Variants in CTNNA2 observed in about 807,000 individuals in gnomAD.
CTNNA2 encodes catenin alpha-2.
A neutral mutation model predicts 101.0 loss-of-function variants in CTNNA2; 42 were observed. That is an observed-to-expected ratio of 0.42 (90% CI 0.32 to 0.54). The LOEUF is 0.54. Ranked by LOEUF, CTNNA2 falls within the 20% of genes least tolerant of loss-of-function variation. The probability of loss-of-function intolerance (pLI) is 0.14; values close to 1 mark genes in which losing one functional copy is unlikely to be tolerated. For missense variants in CTNNA2, 871 were observed against 1,223.1 expected (o/e 0.71, Z 4.29); for synonymous variants, 450 against 456.4 (o/e 0.99, Z 0.18).
At chr2:80,594,337 G>A (rs1696763642) in intron 15 of CTNNA2, among the ~76,000 whole-genome samples, 1 of 151,854 alleles carries the variant, frequency 6.6e-6, no homozygotes, top group African/African-American at 2.4e-5. Flanking sequence ...TAGTTGGGTT[G>A]TTTGTTTGCT....
intron 1 of CTNNA2, among the ~76,000 whole-genome samples, chr2:79,589,244 T>C (rs1676690364): frequency 6.6e-6 from 1 of 152,158 alleles, no homozygotes; most frequent in Admixed American, 6.5e-5. Flanking sequence ...GAAGTGGTTT[T>C]TGGGGTCTGT....
At chr2:79,707,229 C>T (rs2104789848) in intron 2 of CTNNA2, among the ~76,000 whole-genome samples, 1 of 152,246 alleles carries the variant, frequency 6.6e-6, no homozygotes, top group South Asian at 2.1e-4. Context: ...CTGGTACCCC[C>T]TCCTACTAAA....
At chr2:80,268,544 C>A (rs2149134948) in intron 7 of CTNNA2, among the ~76,000 whole-genome samples, 1 of 152,182 alleles carries the variant, frequency 6.6e-6, no homozygotes, top group South Asian at 2.1e-4. Flanking sequence ...AAAACTGAGA[C>A]CAGAAATTCT....
chr2:80,272,901 C>T (rs963002390), intron 7 of CTNNA2, among the ~76,000 whole-genome samples: 3 of 152,126 alleles, frequency 2.0e-5, no homozygotes, highest in Admixed American at 2.0e-4. Flanking sequence ...TTTCTGAAGG[C>T]ATAATTTTGA....
intron 7 of CTNNA2, among the ~76,000 whole-genome samples, chr2:79,910,325 A>G (rs768543794): frequency 6.6e-6 from 1 of 152,222 alleles, no homozygotes; most frequent in Non-Finnish European, 1.5e-5. Context: ...GGAATTGCTT[A>G]TAAGAGTGAG....
chr2:79,314,438 G>T (rs1485041885), intron 3 of CTNNA2, among the ~76,000 whole-genome samples: 2 of 152,176 alleles, frequency 1.3e-5, no homozygotes, highest in African/African-American at 4.8e-5. Flanking sequence ...ATATGCGTGG[G>T]CCTAATTGTG....
chr2:80,103,879 C>T (rs567938776), intron 7 of CTNNA2, among the ~76,000 whole-genome samples: 25 of 152,236 alleles, frequency 1.6e-4, no homozygotes, highest in South Asian at 8.3e-4. Flanking sequence ...GGATTACAGG[C>T]GCCTGCCACC....
At chr2:79,541,274 A>G (rs1479138536) in intron 1 of CTNNA2, among the ~76,000 whole-genome samples, 1 of 151,284 alleles carries the variant, frequency 6.6e-6, no homozygotes, top group African/African-American at 2.4e-5. Flanking sequence ...CAAATGTTAG[A>G]ATAGAATGGA....
intron 4 of CTNNA2, among the ~76,000 whole-genome samples, chr2:79,406,240 G>A (rs528686959): frequency 9.9e-5 from 15 of 152,114 alleles, no homozygotes; most frequent in East Asian, 9.7e-4. Flanking sequence ...CAGCAGCAGC[G>A]GCCTGAAGTT....
At chr2:80,036,947 C>T (rs563458220) in intron 7 of CTNNA2, among the ~76,000 whole-genome samples, 1 of 151,754 alleles carries the variant, frequency 6.6e-6, no homozygotes, top group Non-Finnish European at 1.5e-5. Flanking sequence ...GTGGGAAGAG[C>T]GGAGCTCACA....
chr2:79,813,359 A>C (rs576122532), intron 3 of CTNNA2, among the ~76,000 whole-genome samples: 80 of 152,282 alleles, frequency 5.3e-4, no homozygotes, highest in African/African-American at 1.8e-3. Flanking sequence ...AAATTTATGA[A>C]AGTAACAGGC....
intron 4 of CTNNA2, among the ~76,000 whole-genome samples, chr2:79,415,747 G>C (rs931000141): frequency 2.6e-5 from 4 of 151,876 alleles, no homozygotes; most frequent in Non-Finnish European, 5.9e-5. Flanking sequence ...TGTGCTTAAA[G>C]TTTTTTTTCA....
At chr2:80,635,782 T>C (rs1672809477) in intron 18 of CTNNA2, among the ~76,000 whole-genome samples, 1 of 152,028 alleles carries the variant, frequency 6.6e-6, no homozygotes, top group South Asian at 2.1e-4. Flanking sequence ...GAGCTATGTG[T>C]TGAGAAGAAT....
intron 2 of CTNNA2, among the ~76,000 whole-genome samples, chr2:79,659,579 A>T (rs2104518932): frequency 6.6e-6 from 1 of 152,270 alleles, no homozygotes; most frequent in South Asian, 2.1e-4. Flanking sequence ...AGTGTGATTA[A>T]CCCATTTCCA....
intron 7 of CTNNA2, among the ~76,000 whole-genome samples, chr2:80,377,217 TAA>T (rs1676039069): frequency 6.6e-6 from 1 of 152,216 alleles, no homozygotes; most frequent in Non-Finnish European, 1.5e-5. Flanking sequence ...ATCCAGCCTA[TAA>T]AACAATTTAT....
intron 8 of CTNNA2, among the ~76,000 whole-genome samples, chr2:80,418,051 G>A (rs1442784696): frequency 6.6e-6 from 1 of 151,896 alleles, no homozygotes; most frequent in Non-Finnish European, 1.5e-5. Context: ...TGTCTCTGTT[G>A]TCCCTGTCAA....
chr2:79,916,512 A>T, intron 7 of CTNNA2, among the ~76,000 whole-genome samples: 1 of 92,584 alleles, frequency 1.1e-5, no homozygotes, highest in Admixed American at 1.7e-4. Context: ...GAGTTTTCTA[A>T]TTCTTCCCCC....
At chr2:79,524,706 T>G (rs1672305716) in intron 1 of CTNNA2, 1 of 152,010 alleles carries the variant, frequency 6.6e-6, no homozygotes, top group African/African-American at 2.4e-5. Context: ...CTGTCTATAC[T>G]GTACTCCAGA....
chr2:80,452,378 C>A lies in CTNNA2; in HGVS notation c.1290+32777C>A, dbSNP rs911519610. ...CATGGATGAGTAACACAGATGTGAT[C>A]CCTGCTTCTGATGCATTTACAGACA... On this transcript the variant is annotated intron_variant, in intron 9 of 18. Coordinates refer to ENST00000402739, the MANE Select transcript of CTNNA2 (RefSeq NM_001282597.3). 2.5e-4 allele frequency among the ~76,000 whole-genome samples: 38 copies of A among 151,614 alleles called. 3 individuals carry two copies. Among genetic ancestry groups the A allele is most frequent in the African/African-American group, 9.0e-4 (37 of 40,894 alleles).
Sources: gnomAD v4.1 joint callset for allele counts (sites outside exome capture counted in the v4.1 genomes callset) on GRCh38, gnomAD v4.1.1 for gene constraint, MANE v1.5 for transcripts, NCBI Gene and HGNC (gene_info 2026-07-23, HGNC 2026-07-21) for gene names.